Variants in CRADD observed in about 807,000 individuals in gnomAD.
The protein encoded by CRADD is death domain-containing protein CRADD.
In CRADD, 9 loss-of-function variants were observed where a neutral mutation model predicts 15.5. The observed-to-expected ratio is 0.58, with a 90% CI of 0.35 to 1.01. The LOEUF is 1.01. Ranked by LOEUF, CRADD falls within the 50% of genes least tolerant of loss-of-function variation. The pLI is 0.02. For missense variants in CRADD, 227 were observed against 250.3 expected (o/e 0.91, Z 0.63); for synonymous variants, 118 against 107.6 (o/e 1.10, Z -0.60).
intron 2 of CRADD, among the ~76,000 whole-genome samples, chr12:93,689,098 T>G (rs11107153): frequency 0.31 from 47,515 of 151,980 alleles, 7,737 homozygotes; most frequent in East Asian, 0.41. Context: ...ACTTGCTACT[T>G]TGAGAGTAAA....
intron 2 of CRADD, among the ~76,000 whole-genome samples, chr12:93,838,223 T>G (rs1308900208): frequency 1.3e-5 from 2 of 150,894 alleles, no homozygotes; most frequent in Non-Finnish European, 3.0e-5. Flanking sequence ...GGTTTTTTTT[T>G]TTTTTTTTTT....
At chr12:93,812,890 A>G (rs1216381268) in intron 2 of CRADD, among the ~76,000 whole-genome samples, 2 of 152,244 alleles carry the variant, frequency 1.3e-5, no homozygotes, top group Non-Finnish European at 2.9e-5. Context: ...TGATTTTGCC[A>G]TATCCTGTAT....
chr12:93,743,007 T>C (rs1956700239), intron 2 of CRADD, among the ~76,000 whole-genome samples: 1 of 152,182 alleles, frequency 6.6e-6, no homozygotes, highest in Non-Finnish European at 1.5e-5. Context: ...CCCTTTAAAA[T>C]AGTTTCGTTT....
At chr12:93,876,736 T>G (rs1958460004) in intron 2 of CRADD, among the ~76,000 whole-genome samples, 1 of 152,206 alleles carries the variant, frequency 6.6e-6, no homozygotes, top group South Asian at 2.1e-4. Context: ...CTGTGTTATC[T>G]TGAATTTCTT....
chr12:93,768,623 AGCT>A (rs1397067400), intron 2 of CRADD, among the ~76,000 whole-genome samples: 2 of 152,228 alleles, frequency 1.3e-5, no homozygotes, highest in East Asian at 3.8e-4. Flanking sequence ...TTTGCTAAGC[AGCT>A]TTTTTCATGT....
At chr12:93,710,554 A>T (rs1175485366) in intron 2 of CRADD, among the ~76,000 whole-genome samples, 1 of 152,010 alleles carries the variant, frequency 6.6e-6, no homozygotes, top group African/African-American at 2.4e-5. Flanking sequence ...CATGTTGGCC[A>T]GGCTGGTCTC....
intron 2 of CRADD, among the ~76,000 whole-genome samples, chr12:93,764,733 GTTTT>G (rs3030258): frequency 6.8e-6 from 1 of 147,066 alleles, no homozygotes; most frequent in Non-Finnish European, 1.5e-5. Flanking sequence ...CATATTTTTG[GTTTT>G]TTTTTTTTGT....
At chr12:93,784,417 G>A (rs984894704) in intron 2 of CRADD, among the ~76,000 whole-genome samples, 4 of 152,016 alleles carry the variant, frequency 2.6e-5, no homozygotes, top group African/African-American at 9.7e-5. Context: ...AGTTGCCCAA[G>A]GTTGCACGGT....
intron 2 of CRADD, among the ~76,000 whole-genome samples, chr12:93,754,069 G>A (rs993603939): frequency 6.6e-6 from 1 of 152,256 alleles, no homozygotes; most frequent in Non-Finnish European, 1.5e-5. Flanking sequence ...TGAAATCTAA[G>A]TGGAGGTTCC....
chr12:93,691,612 A>G (rs942325878), intron 2 of CRADD, among the ~76,000 whole-genome samples: 2 of 152,214 alleles, frequency 1.3e-5, no homozygotes, highest in African/African-American at 4.8e-5. Context: ...AAATGGGGTA[A>G]AAGAGGTCTC....
exon 3 of CRADD, chr12:93,894,430 C>G (rs1958598221): frequency 3.3e-6 from 1 of 303,372 alleles, no homozygotes; most frequent in African/African-American, 2.1e-5. Flanking sequence ...GCTCAGCAGT[C>G]CAGAGCAATT....
chr12:93,724,345 C>T (rs1956316194), intron 2 of CRADD, among the ~76,000 whole-genome samples: 1 of 150,132 alleles, frequency 6.7e-6, no homozygotes, highest in Non-Finnish European at 1.5e-5. Context: ...TGCCACTGCA[C>T]TCCAGCCTGG....
At chr12:93,754,794 A>G (rs992541849) in intron 2 of CRADD, among the ~76,000 whole-genome samples, 1 of 152,174 alleles carries the variant, frequency 6.6e-6, no homozygotes, top group South Asian at 2.1e-4. Context: ...ACATTTTCCT[A>G]TCTTCTTCTT....
intron 2 of CRADD, among the ~76,000 whole-genome samples, chr12:93,802,202 A>T (rs886216174): frequency 1.3e-5 from 2 of 152,178 alleles, no homozygotes; most frequent in Admixed American, 6.5e-5. Flanking sequence ...TCTGGGTAGG[A>T]ACCCAGTAGT....
chr12:93,853,066 G>A (rs904775090), downstream of CRADD, among the ~76,000 whole-genome samples: 1 of 152,046 alleles, frequency 6.6e-6, no homozygotes, highest in Non-Finnish European at 1.5e-5. Flanking sequence ...TTCTCTGCCT[G>A]CATATCCTTT....
chr12:93,835,063 C>T (rs567893812), intron 2 of CRADD, among the ~76,000 whole-genome samples: 2 of 152,214 alleles, frequency 1.3e-5, no homozygotes, highest in African/African-American at 4.8e-5. Flanking sequence ...TTTCACTGGC[C>T]CCCCCATTGG....
At chr12:93,692,193 G>C (rs988631737) in intron 2 of CRADD, among the ~76,000 whole-genome samples, 1 of 152,098 alleles carries the variant, frequency 6.6e-6, no homozygotes, top group Non-Finnish European at 1.5e-5. Context: ...AGGAGAAAAA[G>C]AATGAAAAGG....
intron 2 of CRADD, among the ~76,000 whole-genome samples, chr12:93,745,736 G>A (rs557996696): frequency 2.4e-4 from 37 of 152,324 alleles, no homozygotes; most frequent in African/African-American, 8.2e-4. Flanking sequence ...AATGATGGTC[G>A]TGGGCATTTT....
At chr12:93,892,507 C>T (rs1274490450) in intron 2 of CRADD, among the ~76,000 whole-genome samples, 1 of 152,006 alleles carries the variant, frequency 6.6e-6, no homozygotes. Context: ...CCGAGTCTGC[C>T]TGCCTTTTCT....
Sources: allele counts gnomAD v4.1 joint callset (sites outside exome capture counted in the v4.1 genomes callset), GRCh38; gene constraint gnomAD v4.1.1; transcripts MANE v1.5; gene names NCBI Gene and HGNC (gene_info 2026-07-23, HGNC 2026-07-21).